PPP1R13B: variants seen among roughly 807,000 people sequenced by gnomAD.
The protein encoded by PPP1R13B is protein phosphatase 1 regulatory subunit 13B.
Under a neutral mutation model 119.8 loss-of-function variants are expected in PPP1R13B, and 44 were observed. The observed-to-expected ratio is 0.37, with a 90% CI of 0.29 to 0.47. PPP1R13B has a LOEUF of 0.47. Ranked by LOEUF, PPP1R13B falls within the 20% of genes least tolerant of loss-of-function variation. PPP1R13B has a pLI of 0.99. For synonymous variants in PPP1R13B, 542 were observed against 561.5 expected (o/e 0.97, Z 0.49); for missense variants, 1,227 against 1,413.5 (o/e 0.87, Z 2.12).
intron 4 of PPP1R13B, chr14:103,778,540 G>A (rs2085264417): frequency 1.9e-6 from 1 of 527,540 alleles, no homozygotes; most frequent in Admixed American, 3.4e-5. Flanking sequence ...GATTACATGT[G>A]TGAGCCACAC....
rs763882484 is a variant in PPP1R13B, at chr14:103,819,512, C to CA, written c.10-21995dup. 1.7e-3 allele frequency among the ~76,000 whole-genome samples: 249 copies of CA among 143,664 alleles called. 3 individuals are homozygous for CA. Among genetic ancestry groups the CA allele is most frequent in the African/African-American group, 5.8e-3 (220 of 37,798 alleles). 94.2% of individuals were successfully genotyped at this position (143,664 alleles called of 152,430 possible). On this transcript the variant is annotated intron_variant, in intron 1 of 16. Transcript: ENST00000202556. Reference sequence around the variant, plus strand: ...AAATCTGTCTATTAAAAAAAACAAACAAACAAAAAAAAACAACAACAAAAA... The same window carrying CA: ...AAATCTGTCTATTAAAAAAAACAAACAAAACAAAAAAAAACAACAACAAAAA...
At chr14:103,793,028 C>T (rs915723733) in intron 2 of PPP1R13B, among the ~76,000 whole-genome samples, 3 of 149,822 alleles carry the variant, frequency 2.0e-5, no homozygotes, top group Non-Finnish European at 4.4e-5. Context: ...ACTGAGAATG[C>T]GCCACTGCAC....
intron 1 of PPP1R13B, among the ~76,000 whole-genome samples, chr14:103,802,531 G>A (rs1231142376): frequency 3.3e-5 from 5 of 152,148 alleles, no homozygotes; most frequent in African/African-American, 7.2e-5. Context: ...GGCATCCCAC[G>A]GTTTGCTCTC....
chr14:103,789,753 A>C (rs11845983), intron 2 of PPP1R13B, among the ~76,000 whole-genome samples: 3,830 of 152,062 alleles, frequency 0.025, 138 homozygotes, highest in African/African-American at 0.079. Context: ...ACCTCAAATA[A>C]TCCACCCACC....
At chr14:103,783,017 GCTGGT>G (rs2085372698) in intron 3 of PPP1R13B, among the ~76,000 whole-genome samples, 1 of 151,996 alleles carries the variant, frequency 6.6e-6, no homozygotes, top group Admixed American at 6.6e-5. Flanking sequence ...TGTTGGCCAG[GCTGGT>G]CTCGAACTCT....
Position 103,753,208 on chromosome 14 carries a change from C to A in PPP1R13B, c.632-12G>T. On this transcript the variant is annotated splice_polypyrimidine_tract_variant and intron_variant, in intron 6 of 16. Coordinates refer to ENST00000202556, the MANE Select transcript of PPP1R13B (RefSeq NM_015316.3). ...TTCTATTTCAGCAGCTATAATTGAC[C>A]ACACAAGAAAAGAATAAAAGATTTA... 6.3e-7 allele frequency: 1 copy of A among 1,594,248 alleles called. No homozygotes were observed. The highest frequency in any genetic ancestry group is 1.4e-5 in the African/African-American group (1 of 73,330).
intron 4 of PPP1R13B, chr14:103,778,454 G>T: frequency 4.2e-6 from 1 of 236,070 alleles, no homozygotes; most frequent in Non-Finnish European, 8.2e-6. Flanking sequence ...GTAGAGACGG[G>T]GTTTCACCAG....
At chr14:103,739,086 C>A in intron 12 of PPP1R13B, 63 bp from the exon 13 acceptor site, 1 of 1,558,896 alleles carries the variant, frequency 6.4e-7, no homozygotes, top group Non-Finnish European at 8.7e-7. Flanking sequence ...GAACCCACGC[C>A]TGCTGGGAAG....
intron 1 of PPP1R13B, among the ~76,000 whole-genome samples, chr14:103,800,880 C>T (rs906127214): frequency 2.6e-5 from 4 of 151,826 alleles, no homozygotes; most frequent in East Asian, 1.9e-4. Context: ...GACGGAGTTT[C>T]GCTCTTGTTG....
intron 4 of PPP1R13B, among the ~76,000 whole-genome samples, chr14:103,777,798 A>AT (rs1312860843): frequency 1.9e-5 from 2 of 106,470 alleles, no homozygotes; most frequent in African/African-American, 1.2e-4. Flanking sequence ...GTAAAAAGCA[A>AT]TTAAAAAAAA....
intron 3 of PPP1R13B, among the ~76,000 whole-genome samples, chr14:103,783,058 G>A (rs772063122): frequency 1.3e-5 from 2 of 151,958 alleles, no homozygotes; most frequent in Non-Finnish European, 2.9e-5. Flanking sequence ...CACCCCACTC[G>A]GCCTCCCAAA....
At chr14:103,761,583 G>A (rs774060638) in intron 4 of PPP1R13B, among the ~76,000 whole-genome samples, 1 of 152,018 alleles carries the variant, frequency 6.6e-6, no homozygotes, top group Non-Finnish European at 1.5e-5. Context: ...CCAACATGGT[G>A]AAACACTGTC....
intron 7 of PPP1R13B, among the ~76,000 whole-genome samples, chr14:103,751,648 C>T (rs2041962451): frequency 6.6e-6 from 1 of 152,032 alleles, no homozygotes; most frequent in Non-Finnish European, 1.5e-5. Context: ...GTGGGGCCCC[C>T]CATGATGAAG....
intron 11 of PPP1R13B, among the ~76,000 whole-genome samples, chr14:103,741,285 C>T (rs1400984531): frequency 6.6e-6 from 1 of 152,244 alleles, no homozygotes. Context: ...CTTCTCTCAG[C>T]TGCCTTCTTA....
rs112271247 is a variant in PPP1R13B at position 103,739,132 on chromosome 14, C to T, written c.2593-109G>A. Reference sequence around the variant, plus strand: ...AGCTAAAGCCCAAAGACAGTGGCTCCGCGAAGCAGCCCTGGAGTGGTAGCA... The same window carrying T: ...AGCTAAAGCCCAAAGACAGTGGCTCTGCGAAGCAGCCCTGGAGTGGTAGCA... On this transcript the variant is annotated intron_variant, in intron 12 of 16. Coordinates refer to ENST00000202556, the MANE Select transcript of PPP1R13B (RefSeq NM_015316.3). 1.2e-3 allele frequency: 1,717 copies of T among 1,458,916 alleles called. 4 individuals are homozygous for T. The highest frequency in any genetic ancestry group is 7.6e-3 in the African/African-American group (539 of 71,072). 90.4% of individuals were successfully genotyped at this position (1,458,916 alleles called of 1,614,324 possible).
At chr14:103,834,217 A>G (rs2086723166) in intron 1 of PPP1R13B, among the ~76,000 whole-genome samples, 1 of 152,132 alleles carries the variant, frequency 6.6e-6, no homozygotes, top group Non-Finnish European at 1.5e-5. Flanking sequence ...TTTACTAAAA[A>G]TACAAAAAAC....
At chr14:103,769,030 T>G (rs559524758) in intron 4 of PPP1R13B, among the ~76,000 whole-genome samples, 2 of 152,198 alleles carry the variant, frequency 1.3e-5, no homozygotes, top group African/African-American at 4.8e-5. Flanking sequence ...TTTTTAGCAG[T>G]TTACAGAAAA....
At chr14:103,777,997 G>A (rs980867736) in intron 4 of PPP1R13B, among the ~76,000 whole-genome samples, 1 of 151,528 alleles carries the variant, frequency 6.6e-6, no homozygotes, top group Non-Finnish European at 1.5e-5. Flanking sequence ...CGTTGCCCAG[G>A]CTGGAGTGCA....
In PPP1R13B at chr14:103,833,431, G is replaced by A. The variant is rs578130933; in HGVS notation, c.9+13868C>T. ...GGCCGAGGCGAGTGGATCACCTGAGGTCAGGAGTTTAAGACCAGCCTGGCC... is the reference window on the plus strand; with the variant it reads ...GGCCGAGGCGAGTGGATCACCTGAGATCAGGAGTTTAAGACCAGCCTGGCC... On this transcript the variant is annotated intron_variant, in intron 1 of 16. Coordinates refer to ENST00000202556, the MANE Select transcript of PPP1R13B (RefSeq NM_015316.3). Among the ~76,000 whole-genome samples the A allele has an allele frequency of 2.8e-4, 43 of 152,212 alleles. 2 individuals are homozygous for A. The South Asian group carries it at 8.7e-3, about 31-fold the overall frequency.
Sources: gnomAD v4.1 joint callset for allele counts (sites outside exome capture counted in the v4.1 genomes callset) on GRCh38, gnomAD v4.1.1 for gene constraint, MANE v1.5 for transcripts, NCBI Gene and HGNC (gene_info 2026-07-23, HGNC 2026-07-21) for gene names.